ZNF385D: variants seen among roughly 807,000 people sequenced by gnomAD.
The protein encoded by ZNF385D is zinc finger protein 385D, also known as zinc finger protein 659.
Under a neutral mutation model 35.8 loss-of-function variants are expected in ZNF385D, and 15 were observed. The observed-to-expected ratio is 0.42, with a 90% CI of 0.28 to 0.64. The LOEUF is 0.64. Ranked by LOEUF, ZNF385D falls within the 30% of genes least tolerant of loss-of-function variation. ZNF385D has a pLI of 0.23. For synonymous variants in ZNF385D, 212 were observed against 186.8 expected (o/e 1.13, Z -1.10); for missense variants, 474 against 494.6 (o/e 0.96, Z 0.39).
intron 3 of ZNF385D, among the ~76,000 whole-genome samples, chr3:21,819,758 A>G (rs2073318737): frequency 1.2e-5 from 1 of 84,596 alleles, no homozygotes; most frequent in South Asian, 3.5e-4. Context: ...ACGTACACAT[A>G]ATTATATATA....
At chr3:21,997,063 GA>G (rs1695508600) in intron 3 of ZNF385D, among the ~76,000 whole-genome samples, 1 of 151,864 alleles carries the variant, frequency 6.6e-6, no homozygotes, top group Admixed American at 6.6e-5. Context: ...AAAAAACTGT[GA>G]TTTTTTTTCA....
chr3:21,609,139 C>A (rs1400424838), intron 2 of ZNF385D, among the ~76,000 whole-genome samples: 1 of 152,162 alleles, frequency 6.6e-6, no homozygotes, highest in East Asian at 1.9e-4. Flanking sequence ...CCGAAGTAGG[C>A]ATTTTCAGAA....
intron 3 of ZNF385D, among the ~76,000 whole-genome samples, chr3:21,523,772 T>A (rs1404716365): frequency 4.8e-5 from 1 of 20,882 alleles, no homozygotes; most frequent in African/African-American, 2.2e-4. Flanking sequence ...GCTGTGCAAA[T>A]TTTTTTTTTT....
At chr3:21,674,919 G>C (rs761902869) in intron 1 of ZNF385D, among the ~76,000 whole-genome samples, 9 of 151,024 alleles carry the variant, frequency 6.0e-5, no homozygotes, top group East Asian at 2.0e-4. Flanking sequence ...TGGATGGATG[G>C]ATGGATGGAT....
intron 3 of ZNF385D, among the ~76,000 whole-genome samples, chr3:21,808,176 A>G (rs1341349541): frequency 6.6e-6 from 1 of 152,244 alleles, no homozygotes; most frequent in Admixed American, 6.5e-5. Context: ...TAGGATAAGA[A>G]AATTAGTATC....
At chr3:21,684,570 A>G (rs1023942956) in intron 1 of ZNF385D, among the ~76,000 whole-genome samples, 3 of 151,960 alleles carry the variant, frequency 2.0e-5, no homozygotes, top group African/African-American at 7.3e-5. Flanking sequence ...TACCCTCAAT[A>G]GTTAAGTATT....
In ZNF385D at chr3:22,256,149, C is replaced by T. The variant is rs544076440; in HGVS notation, c.107-87114G>A. On this transcript the variant is annotated intron_variant, in intron 2 of 5. Coordinates refer to the ZNF385D transcript ENST00000494108. ...CAGTTTTGAAACTTAGACTGGCTCT[C>T]CTTGTTCGTCAGCATATATATACAT... Among the ~76,000 whole-genome samples the T allele has an allele frequency of 6.5e-4, 99 of 151,502 alleles. 1 individual carries two copies. The highest frequency in any genetic ancestry group is 2.3e-3 in the African/African-American group (94 of 41,348).
At position 21,437,222 on chromosome 3, in the gene ZNF385D, A is replaced by G; in HGVS notation, c.440-19T>C. ...GTACCGTCTGTATTCAAAATAACAC[A>G]GAAAAAAGGGGGAAAAACAATGGTA... On this transcript the variant is annotated intron_variant, in intron 4 of 7. Transcript: ENST00000281523. 1.3e-6 allele frequency: 2 copies of G among 1,595,080 alleles called. No individual in the cohort carries two copies. The highest frequency in any genetic ancestry group is 1.7e-6 in the Non-Finnish European group (2 of 1,168,746).
chr3:22,001,980 A>G (rs1603664), intron 3 of ZNF385D, among the ~76,000 whole-genome samples: 82,715 of 151,820 alleles, frequency 0.54, 24,541 homozygotes, highest in African/African-American at 0.79. Context: ...AAATGGCTAT[A>G]TCAAAGAAGT....
chr3:21,571,949 C>T (rs538377601), intron 2 of ZNF385D, among the ~76,000 whole-genome samples: 9 of 152,190 alleles, frequency 5.9e-5, no homozygotes, highest in Middle Eastern at 3.4e-3. Context: ...ACCCAAATTT[C>T]GCCGTCCATA....
intron 2 of ZNF385D, among the ~76,000 whole-genome samples, chr3:21,617,566 A>G (rs2064884173): frequency 6.6e-6 from 1 of 152,138 alleles, no homozygotes; most frequent in Non-Finnish European, 1.5e-5. Flanking sequence ...TACTTTTATA[A>G]TTTTTCCTGC....
intron 3 of ZNF385D, among the ~76,000 whole-genome samples, chr3:21,966,220 G>A (rs9836079): frequency 0.019 from 2,963 of 152,258 alleles, 119 homozygotes; most frequent in African/African-American, 0.066. Flanking sequence ...GTAGAATGAT[G>A]TTACAGGCTT....
chr3:22,009,262 C>T (rs1696412674), intron 3 of ZNF385D, among the ~76,000 whole-genome samples: 1 of 148,592 alleles, frequency 6.7e-6, no homozygotes, highest in Non-Finnish European at 1.5e-5. Context: ...ATATCCATAT[C>T]CATCAACAGG....
chr3:22,126,143 T>C (rs924887194), intron 3 of ZNF385D, among the ~76,000 whole-genome samples: 1 of 152,076 alleles, frequency 6.6e-6, no homozygotes, highest in African/African-American at 2.4e-5. Context: ...TTTTATCAAA[T>C]GCTTTTCCAG....
intron 3 of ZNF385D, among the ~76,000 whole-genome samples, chr3:21,905,954 G>T (rs1479972): frequency 0.069 from 10,487 of 152,166 alleles, 385 homozygotes; most frequent in Middle Eastern, 0.085. Context: ...GAATTTATAT[G>T]AATTATGGAT....
intron 2 of ZNF385D, among the ~76,000 whole-genome samples, chr3:22,174,578 C>T (rs35844155): frequency 7.9e-5 from 12 of 152,058 alleles, no homozygotes; most frequent in Admixed American, 2.6e-4. Flanking sequence ...ATCTAGAAGA[C>T]ATTTAGCACA....
chr3:22,271,682 C>T (rs1235280196), intron 2 of ZNF385D, among the ~76,000 whole-genome samples: 2 of 151,774 alleles, frequency 1.3e-5, no homozygotes, highest in African/African-American at 4.8e-5. Flanking sequence ...TAAAAAACTC[C>T]CCCCACCCTC....
intron 3 of ZNF385D, among the ~76,000 whole-genome samples, chr3:21,874,108 C>G (rs1328669013): frequency 6.6e-6 from 1 of 151,932 alleles, no homozygotes; most frequent in Non-Finnish European, 1.5e-5. Flanking sequence ...ACATTCTCAC[C>G]AACAGCACAC....
intron 2 of ZNF385D, among the ~76,000 whole-genome samples, chr3:22,265,659 G>C (rs1406614): frequency 0.091 from 13,869 of 151,930 alleles, 1,762 homozygotes; most frequent in African/African-American, 0.28. Flanking sequence ...CTGAGTGATA[G>C]AATTTTGGAT....
Sources: allele counts gnomAD v4.1 joint callset (sites outside exome capture counted in the v4.1 genomes callset), GRCh38; gene constraint gnomAD v4.1.1; transcripts MANE v1.5; gene names NCBI Gene and HGNC (gene_info 2026-07-23, HGNC 2026-07-21).